The following SHC4 variants were observed in gnomAD, a reference collection of about 807,000 sequenced individuals.
SHC4 encodes SHC adaptor protein 4.
In SHC4, 41 loss-of-function variants were observed where a neutral mutation model predicts 69.4. That is an observed-to-expected ratio of 0.59 (90% CI 0.46 to 0.77). SHC4 has a LOEUF of 0.77. SHC4 is among the 30% of genes least tolerant of loss of function. The pLI, the probability that SHC4 is intolerant of heterozygous loss-of-function variation, is 0.00. For synonymous variants in SHC4, 318 were observed against 299.3 expected (o/e 1.06, Z -0.64); for missense variants, 777 against 783.8 (o/e 0.99, Z 0.10).
intron 4 of SHC4, among the ~76,000 whole-genome samples, 163 bp from the exon 5 acceptor site, chr15:48,872,305 G>A (rs540492831): frequency 2.0e-5 from 3 of 152,280 alleles, no homozygotes; most frequent in African/African-American, 4.8e-5. Context: ...TTTAAACCAC[G>A]AGATTCTGAT....
At chr15:48,892,740 G>A (rs754296108) in intron 2 of SHC4, among the ~76,000 whole-genome samples, 10 of 151,918 alleles carry the variant, frequency 6.6e-5, no homozygotes, top group Non-Finnish European at 1.5e-4. Context: ...GCAGGCACCA[G>A]TAATCCCAGC....
chr15:48,946,109 T>C (rs1901272160), intron 1 of SHC4: 1 of 152,224 alleles, frequency 6.6e-6, no homozygotes, highest in Non-Finnish European at 1.5e-5. Context: ...AAATGAGCTT[T>C]ACTGTGTCGA....
intron 1 of SHC4, among the ~76,000 whole-genome samples, chr15:48,941,887 A>T (rs571098408): frequency 6.6e-6 from 1 of 151,796 alleles, no homozygotes; most frequent in South Asian, 2.1e-4. Flanking sequence ...TTCATCCTTC[A>T]CCTCCTTCAC....
At chr15:48,886,697 T>C (rs1900041930) in intron 3 of SHC4, among the ~76,000 whole-genome samples, 1 of 152,222 alleles carries the variant, frequency 6.6e-6, no homozygotes, top group African/African-American at 2.4e-5. Flanking sequence ...TAATAAAGTA[T>C]ATGGAAATGC....
chr15:48,900,287 G>A (rs1489663048), intron 2 of SHC4, among the ~76,000 whole-genome samples: 1 of 151,972 alleles, frequency 6.6e-6, no homozygotes, highest in East Asian at 1.9e-4. Flanking sequence ...GTGGGAGGAT[G>A]ACCTGAGGTC....
rs777709891 is a variant in SHC4 at position 48,962,911 on chromosome 15, G to T, written c.105C>A (p.Asn35Lys). The part of the protein sequence containing the change: ...LHRAKYSRFR[N>K]ESITSLDEGS... ...CTTCGTCCAAGGACGTGATCGACTC[G>T]TTCCGAAAGCGGCTGTACTTGGCCC... The change falls in exon 1 of 12, where the codon AAC becomes AAA. Residue 35 changes from asparagine to lysine, a missense_variant. Physicochemically the swap from Asn to Lys is moderately conservative, Grantham distance 94 (BLOSUM62 0). Transcript: ENST00000332408. 1.9e-6 allele frequency: 3 copies of T among 1,613,220 alleles called. No homozygotes were observed. The highest frequency in any genetic ancestry group is 2.5e-6 in the Non-Finnish European group (3 of 1,180,042).
chr15:48,891,267 A>G (rs1567062714), intron 2 of SHC4, among the ~76,000 whole-genome samples: 1 of 152,232 alleles, frequency 6.6e-6, no homozygotes. Flanking sequence ...AAAATTTAAA[A>G]GGATCGGGAG....
intron 2 of SHC4, among the ~76,000 whole-genome samples, chr15:48,922,575 C>T (rs1007966542): frequency 5.3e-5 from 8 of 152,184 alleles, no homozygotes; most frequent in African/African-American, 1.9e-4. Context: ...TAATCCCACT[C>T]GTGAGGGCTC....
intron 1 of SHC4, among the ~76,000 whole-genome samples, chr15:48,948,447 G>A (rs1413659013): frequency 6.6e-6 from 1 of 152,188 alleles, no homozygotes; most frequent in Non-Finnish European, 1.5e-5. Context: ...ACAACTTGCT[G>A]CATGAAGCCA....
chr15:48,860,213 C>T (rs181427396), intron 6 of SHC4, among the ~76,000 whole-genome samples: 185 of 152,044 alleles, frequency 1.2e-3, no homozygotes, highest in African/African-American at 4.2e-3. Context: ...ATTCCCAGTC[C>T]AATTAAAAAT....
chr15:48,833,142 C>G (rs569564996), intron 11 of SHC4, among the ~76,000 whole-genome samples: 1 of 152,214 alleles, frequency 6.6e-6, no homozygotes, highest in African/African-American at 2.4e-5. Flanking sequence ...AAACAGCCAC[C>G]TCTCCCTTTC....
Position 48,856,156 on chromosome 15 carries a change from G to A in SHC4, c.1071-32C>T, listed in dbSNP as rs748628741. 71 of 1,592,616 alleles carry A rather than the reference G, an allele frequency of 4.5e-5. No homozygotes were observed. In the South Asian group the frequency reaches 7.9e-4, roughly 18 times the overall value. ...AGGAAAAAAGAATCCTCAAGAGGCTGGGCGAAAATTCAAATACTGTAAGGG... is the reference window on the plus strand; with the variant it reads ...AGGAAAAAAGAATCCTCAAGAGGCTAGGCGAAAATTCAAATACTGTAAGGG... On this transcript the variant is annotated intron_variant, in intron 7 of 11. Transcript: ENST00000332408.
chr15:48,878,305 T>C (rs1899862487), intron 4 of SHC4: 2 of 1,613,524 alleles, frequency 1.2e-6, no homozygotes, highest in African/African-American at 1.3e-5. Context: ...TATCCCTGCG[T>C]CCCTCCCGCA....
intron 1 of SHC4, among the ~76,000 whole-genome samples, chr15:48,949,069 C>A (rs939933205): frequency 6.6e-6 from 1 of 151,976 alleles, no homozygotes; most frequent in African/African-American, 2.4e-5. Flanking sequence ...AGGCCACTTA[C>A]CTCAAAACCT....
At chr15:48,867,564 A>C (rs971995163) in intron 6 of SHC4, among the ~76,000 whole-genome samples, 4 of 152,196 alleles carry the variant, frequency 2.6e-5, no homozygotes, top group African/African-American at 9.6e-5. Flanking sequence ...CATAACCATA[A>C]TAGCTTCTCT....
chr15:48,922,150 T>C (rs1386764475), intron 2 of SHC4, among the ~76,000 whole-genome samples: 1 of 152,240 alleles, frequency 6.6e-6, no homozygotes, highest in African/African-American at 2.4e-5. Context: ...CACTTCTTCC[T>C]ATCTGAAAGT....
intron 4 of SHC4, among the ~76,000 whole-genome samples, chr15:48,873,964 A>G (rs1339497008): frequency 6.6e-6 from 1 of 152,240 alleles, no homozygotes; most frequent in Non-Finnish European, 1.5e-5. Flanking sequence ...AGATTAATTT[A>G]TAAATTCCAT....
intron 1 of SHC4, among the ~76,000 whole-genome samples, chr15:48,926,303 A>G (rs961833581): frequency 6.6e-6 from 1 of 152,044 alleles, no homozygotes; most frequent in Non-Finnish European, 1.5e-5. Context: ...ATTGAAAGTG[A>G]TCTGTTGTCT....
intron 11 of SHC4, among the ~76,000 whole-genome samples, chr15:48,834,359 C>A (rs1429669599): frequency 6.6e-6 from 1 of 152,158 alleles, no homozygotes; most frequent in African/African-American, 2.4e-5. Context: ...CTGAGAAACA[C>A]CATAATGCTT....
Sources: allele counts gnomAD v4.1 joint callset (sites outside exome capture counted in the v4.1 genomes callset), GRCh38; gene constraint gnomAD v4.1.1; transcripts MANE v1.5; gene names NCBI Gene and HGNC (gene_info 2026-07-23, HGNC 2026-07-21).